Variants in NTM observed in about 807,000 individuals in gnomAD.
NTM encodes the protein neurotrimin, also known as IgLON family member 2.
In NTM, 13 loss-of-function variants were observed where a neutral mutation model predicts 42.1. That is an observed-to-expected ratio of 0.31 (90% CI 0.20 to 0.49). The LOEUF is 0.49. Ranked by LOEUF, NTM falls within the 20% of genes least tolerant of loss-of-function variation. NTM has a pLI of 0.99. For synonymous variants in NTM, 187 were observed against 179.2 expected, an observed-to-expected ratio of 1.04 and a Z score of -0.35; for missense variants, 373 against 452.8, an observed-to-expected ratio of 0.82 and a Z score of 1.60.
rs114186313 is a variant in NTM, at chr11:131,740,129, G to C, written c.83-171435G>C. Among the ~76,000 whole-genome samples, 249 of 152,272 alleles carry C rather than the reference G, an allele frequency of 1.6e-3. 1 individual carries two copies. The highest frequency in any genetic ancestry group is 5.7e-3 in the African/African-American group (238 of 41,542). On this transcript the variant is annotated intron_variant, in intron 1 of 8. Transcript: ENST00000683400. ...TACTGGGATAATGCCTCACTCGCAG[G>C]GCTGATGAATGAGATCACAGTGGTG...
chr11:131,583,118 C>A (rs949299147), intron 1 of NTM, among the ~76,000 whole-genome samples: 5 of 152,132 alleles, frequency 3.3e-5, no homozygotes, highest in Admixed American at 6.5e-5. Context: ...GACACTGTAC[C>A]AGGAAGCTGC....
rs1454487602 is a variant in NTM at position 132,146,137 on chromosome 11, A to G, written c.168-145A>G. On this transcript the variant is annotated intron_variant, in intron 2 of 8. Transcript: ENST00000683400. This position sits in a 1 kb window ranked among gnomAD's most constrained non-coding sequence, Gnocchi z 4.5. ...TAAGACCTTTGCTGTGTTCCAGAAA[A>G]GTCCACCCCTGACAAATCAAAGGAA... 7 of 1,282,520 alleles carry G rather than the reference A, an allele frequency of 5.5e-6. No individual in the cohort carries two copies. The highest frequency in any genetic ancestry group is 7.4e-6 in the Non-Finnish European group (7 of 944,448). 79.4% of individuals were successfully genotyped at this position (1,282,520 alleles called of 1,614,324 possible).
intron 1 of NTM, among the ~76,000 whole-genome samples, chr11:131,847,647 G>A (rs1042552574): frequency 1.3e-5 from 2 of 152,100 alleles, no homozygotes; most frequent in South Asian, 4.2e-4. Flanking sequence ...ATCAGTCCAG[G>A]TTTGATGAAC....
At chr11:131,950,497 G>T (rs990460987) in intron 2 of NTM, among the ~76,000 whole-genome samples, 2 of 151,956 alleles carry the variant, frequency 1.3e-5, no homozygotes, top group Non-Finnish European at 2.9e-5. Flanking sequence ...CTCTGTCTCG[G>T]AAGCCCACTC....
intron 7 of NTM, among the ~76,000 whole-genome samples, chr11:132,319,219 T>C (rs1289322777): frequency 6.6e-6 from 1 of 152,142 alleles, no homozygotes; most frequent in Non-Finnish European, 1.5e-5. Flanking sequence ...GATTTCTGCA[T>C]TTCCAACTGA....
At chr11:131,631,959 C>A (rs934327641) in intron 1 of NTM, among the ~76,000 whole-genome samples, 2 of 151,896 alleles carry the variant, frequency 1.3e-5, no homozygotes, top group African/African-American at 4.8e-5. Context: ...TTTATTTTTT[C>A]CCTAGATGCT....
chr11:131,480,678 TG>T (rs1025696781), intron 1 of NTM, among the ~76,000 whole-genome samples: 1 of 151,334 alleles, frequency 6.6e-6, no homozygotes, highest in Non-Finnish European at 1.5e-5. Context: ...ACAGAAAACC[TG>T]GGGAAAAAGT....
chr11:131,505,229 A>G (rs2047341203), intron 1 of NTM, among the ~76,000 whole-genome samples: 1 of 152,188 alleles, frequency 6.6e-6, no homozygotes, highest in Non-Finnish European at 1.5e-5. Flanking sequence ...GGATTTAAAA[A>G]TGCTCTTTAA....
chr11:131,459,396 GA>G (rs1951177667), intron 1 of NTM, among the ~76,000 whole-genome samples: 1 of 152,142 alleles, frequency 6.6e-6, no homozygotes, highest in Non-Finnish European at 1.5e-5. Flanking sequence ...TCATCTATAG[GA>G]TTGATGAGAA....
At position 131,847,291 on chromosome 11, in the gene NTM, A is replaced by G. The variant is rs147372342; in HGVS notation, c.83-64273A>G. Among the ~76,000 whole-genome samples the G allele has an allele frequency of 2.5e-3, 375 of 152,152 alleles. 6 individuals carry two copies. Among genetic ancestry groups the G allele is most frequent in the African/African-American group, 8.1e-3 (338 of 41,510 alleles). Reference sequence around the variant, plus strand: ...TATATATTTAAATTATTTTAATTACATAAGTTTCAATTCTTATTAAATAAA... The same window carrying G: ...TATATATTTAAATTATTTTAATTACGTAAGTTTCAATTCTTATTAAATAAA... On this transcript the variant is annotated intron_variant, in intron 1 of 8. Coordinates refer to ENST00000683400, the MANE Select transcript of NTM (RefSeq NM_001352005.2).
chr11:131,804,752 G>C (rs994410164), intron 1 of NTM, among the ~76,000 whole-genome samples: 1 of 152,096 alleles, frequency 6.6e-6, no homozygotes, highest in African/African-American at 2.4e-5. Context: ...TTCATGTGTC[G>C]AAGCTTAATC....
intron 4 of NTM, among the ~76,000 whole-genome samples, chr11:132,221,344 T>C (rs1331531937): frequency 1.3e-5 from 2 of 152,246 alleles, no homozygotes; most frequent in Non-Finnish European, 2.9e-5. Context: ...GGTCTTCTTA[T>C]TAGCCCACCT....
At chr11:131,676,281 T>C (rs1184051658) in intron 1 of NTM, among the ~76,000 whole-genome samples, 1 of 152,232 alleles carries the variant, frequency 6.6e-6, no homozygotes, top group East Asian at 1.9e-4. Flanking sequence ...AGGAATGAGA[T>C]GTTTTCTGTA....
At chr11:131,483,699 G>A (rs568381951) in intron 1 of NTM, among the ~76,000 whole-genome samples, 8 of 152,300 alleles carry the variant, frequency 5.3e-5, no homozygotes, top group East Asian at 3.9e-4. Context: ...AAGAAGAGCC[G>A]CTGTCCCTCC....
At chr11:131,585,511 C>T (rs1327930174) in intron 1 of NTM, among the ~76,000 whole-genome samples, 1 of 152,198 alleles carries the variant, frequency 6.6e-6, no homozygotes, top group Non-Finnish European at 1.5e-5. Context: ...AGAGGGCGCC[C>T]AAGCCAACAC....
At chr11:131,731,832 A>G (rs1314702369) in intron 1 of NTM, among the ~76,000 whole-genome samples, 1 of 152,150 alleles carries the variant, frequency 6.6e-6, no homozygotes, top group Non-Finnish European at 1.5e-5. Context: ...CTTATGCAGA[A>G]AAGACTTCCT....
chr11:132,271,142 T>C (rs1261575073), intron 4 of NTM, among the ~76,000 whole-genome samples: 1 of 152,218 alleles, frequency 6.6e-6, no homozygotes, highest in African/African-American at 2.4e-5. Flanking sequence ...TAAAATTGCC[T>C]GTTCGGTTTA....
chr11:132,037,411 C>T (rs11222875), intron 2 of NTM, among the ~76,000 whole-genome samples: 13,317 of 152,202 alleles, frequency 0.087, 770 homozygotes, highest in Non-Finnish European at 0.13. Context: ...TCATTATAAT[C>T]CATCTTGGGT....
At chr11:132,083,575 A>G (rs1393172364) in intron 2 of NTM, among the ~76,000 whole-genome samples, 4 of 152,198 alleles carry the variant, frequency 2.6e-5, no homozygotes, top group African/African-American at 9.6e-5. Flanking sequence ...CCTGTGAGAA[A>G]GTGACATTCT....
Sources: gnomAD v4.1 joint callset for allele counts (sites outside exome capture counted in the v4.1 genomes callset) on GRCh38, gnomAD v4.1.1 for gene constraint, Gnocchi (gnomAD v3.1) non-coding constraint, MANE v1.5 for transcripts, NCBI Gene and HGNC (gene_info 2026-07-23, HGNC 2026-07-21) for gene names.